Variants in PHTF2 observed in about 807,000 individuals in gnomAD.
The protein encoded by PHTF2 is putative homeodomain transcription factor 2.
Under a neutral mutation model 101.2 loss-of-function variants are expected in PHTF2, and 60 were observed. The observed-to-expected ratio is 0.59, with a 90% CI of 0.48 to 0.73. The LOEUF (loss-of-function observed/expected upper bound fraction) is 0.73, where lower values mean the gene tolerates loss of function less well. Among genes scored for constraint, PHTF2 ranks in the 30% least tolerant of loss-of-function variants. The pLI is 0.00. For missense variants in PHTF2, 747 were observed against 908.7 expected, an observed-to-expected ratio of 0.82 and a Z score of 2.29; for synonymous variants, 311 against 307.3, an observed-to-expected ratio of 1.01 and a Z score of -0.13.
At chr7:77,883,129 A>C (rs1315992460) in intron 3 of PHTF2, among the ~76,000 whole-genome samples, 3 of 152,118 alleles carry the variant, frequency 2.0e-5, no homozygotes, top group African/African-American at 7.2e-5. Context: ...TCAAGAGACA[A>C]ATTTGTTCGA....
At chr7:77,939,914 CAGAA>C (rs1265590109) in intron 13 of PHTF2, 112 bp from the exon 13 acceptor site, 12 of 726,800 alleles carry the variant, frequency 1.7e-5, no homozygotes, top group Non-Finnish European at 2.6e-5. Flanking sequence ...TCAAATTACT[CAGAA>C]TGAGTATATT....
At chr7:77,936,282 A>G (rs1805120329) in intron 12 of PHTF2, among the ~76,000 whole-genome samples, 1 of 152,238 alleles carries the variant, frequency 6.6e-6, no homozygotes, top group African/African-American at 2.4e-5. Flanking sequence ...GAATAAATGT[A>G]CCTAGAGTAG....
chr7:77,877,376 T>G (rs1003080667), intron 3 of PHTF2, among the ~76,000 whole-genome samples: 1 of 152,086 alleles, frequency 6.6e-6, no homozygotes, highest in Non-Finnish European at 1.5e-5. Flanking sequence ...GTCCTGGGAT[T>G]ACAGGCGTGA....
At chr7:77,921,206 C>G (rs1803428544) in intron 10 of PHTF2, among the ~76,000 whole-genome samples, 1 of 152,018 alleles carries the variant, frequency 6.6e-6, no homozygotes, top group Non-Finnish European at 1.5e-5. Flanking sequence ...GTTTTGTTTT[C>G]TTTTGTTTTG....
At chr7:77,841,277 G>A (rs1283127408) in intron 2 of PHTF2, among the ~76,000 whole-genome samples, 2 of 151,390 alleles carry the variant, frequency 1.3e-5, no homozygotes, top group African/African-American at 4.8e-5. Flanking sequence ...ACAGGGTTTC[G>A]CCGTGTTGGT....
At chr7:77,855,811 A>G (rs1019830623) in intron 3 of PHTF2, among the ~76,000 whole-genome samples, 5 of 152,148 alleles carry the variant, frequency 3.3e-5, no homozygotes, top group Non-Finnish European at 5.9e-5. Flanking sequence ...CTGTCCCCCA[A>G]GCACGTTGAT....
chr7:77,906,588 A>C (rs1801881824), intron 7 of PHTF2: 1 of 152,288 alleles, frequency 6.6e-6, no homozygotes, highest in Non-Finnish European at 1.5e-5. Flanking sequence ...ACAGGGCTGA[A>C]AGAGTTCAGA....
intron 13 of PHTF2, 184 bp downstream of exon 12, chr7:77,938,022 A>G (rs1268686157): frequency 3.8e-6 from 1 of 262,248 alleles, no homozygotes; most frequent in Non-Finnish European, 7.2e-6. Context: ...AACCACTCTC[A>G]TCTTCTAGTG....
chr7:77,940,740 C>A, intron 15 of PHTF2, 81 bp downstream of exon 14: 2 of 983,298 alleles, frequency 2.0e-6, no homozygotes, highest in Non-Finnish European at 2.9e-6. Flanking sequence ...ATATATTTGT[C>A]TCTAGATGTA....
intron 3 of PHTF2, among the ~76,000 whole-genome samples, chr7:77,887,355 CTT>C: frequency 6.9e-6 from 1 of 144,236 alleles, no homozygotes; most frequent in South Asian, 2.2e-4. Context: ...ATCTCAATTT[CTT>C]TTTTTTTTTC....
chr7:77,919,684 T>C (rs1415654115), intron 9 of PHTF2, among the ~76,000 whole-genome samples: 3 of 152,204 alleles, frequency 2.0e-5, no homozygotes, highest in African/African-American at 7.2e-5. Flanking sequence ...GCATGATTGC[T>C]AATATCTTTT....
chr7:77,924,324 A>C (rs1803760583), intron 11 of PHTF2: 1 of 181,920 alleles, frequency 5.5e-6, no homozygotes, highest in South Asian at 1.9e-4. Flanking sequence ...AAACACAATG[A>C]GCAAGCATCT....
chr7:77,936,162 A>T (rs2150962355), intron 12 of PHTF2, among the ~76,000 whole-genome samples: 1 of 152,196 alleles, frequency 6.6e-6, no homozygotes, highest in South Asian at 2.1e-4. Flanking sequence ...TTATTATTCA[A>T]CTTTAGTTGA....
intron 3 of PHTF2, among the ~76,000 whole-genome samples, chr7:77,866,940 A>G (rs570200164): frequency 6.6e-6 from 1 of 152,208 alleles, no homozygotes; most frequent in East Asian, 1.9e-4. Context: ...AGGCATATAC[A>G]TTCTTTCCTT....
Position 77,803,898 on chromosome 7 carries a change from T to C in PHTF2, c.-36+4927T>C, listed in dbSNP as rs139640146. On this transcript the variant is annotated intron_variant, in intron 1 of 19. Transcript: ENST00000416283. The stretch of plus-strand genomic sequence containing the variant: ...AGAGAGCTTCACATTATCAACTTTT[T>C]TCTGAAGAAAGTACATCAAACTCAT... 1.3e-4 allele frequency among the ~76,000 whole-genome samples: 20 copies of C among 152,282 alleles called. No individual in the cohort carries two copies. The East Asian group carries it at 3.3e-3, about 25-fold the overall frequency.
At chr7:77,823,370 G>A (rs1174000676) in intron 1 of PHTF2, among the ~76,000 whole-genome samples, 1 of 151,782 alleles carries the variant, frequency 6.6e-6, no homozygotes, top group Non-Finnish European at 1.5e-5. Context: ...ACAGGCACAC[G>A]CCACCACACC....
At chr7:77,893,787 A>G in intron 4 of PHTF2, 123 bp downstream of exon 3, 2 of 616,744 alleles carry the variant, frequency 3.2e-6, no homozygotes, top group Admixed American at 3.1e-5. Flanking sequence ...GAAGCTTTTA[A>G]AGAAAGAAGT....
chr7:77,927,368 G>A (rs1804155976), intron 11 of PHTF2, among the ~76,000 whole-genome samples: 1 of 151,766 alleles, frequency 6.6e-6, no homozygotes, highest in African/African-American at 2.4e-5. Context: ...GGCCAAGGTG[G>A]GTGGATCACC....
intron 1 of PHTF2, among the ~76,000 whole-genome samples, chr7:77,802,011 G>T (rs976303676): frequency 1.3e-5 from 2 of 152,154 alleles, no homozygotes; most frequent in South Asian, 2.1e-4. Context: ...GAATACAAAA[G>T]AAACAATAAA....
Sources: gnomAD v4.1 joint callset for allele counts (sites outside exome capture counted in the v4.1 genomes callset) on GRCh38, gnomAD v4.1.1 for gene constraint, MANE v1.5 for transcripts, NCBI Gene and HGNC (gene_info 2026-07-23, HGNC 2026-07-21) for gene names.